Variants in CAST observed in about 807,000 individuals in gnomAD.
The protein encoded by CAST is MIR583 host.
Under a neutral mutation model 119.6 loss-of-function variants are expected in CAST, and 76 were observed. That is an observed-to-expected ratio of 0.64 (90% CI 0.53 to 0.77). CAST has a LOEUF of 0.77. Ranked by LOEUF, CAST falls within the 30% of genes least tolerant of loss-of-function variation. CAST has a pLI of 0.00. For missense variants in CAST, 953 were observed against 946.5 expected (o/e 1.01, Z -0.09); for synonymous variants, 319 against 331.6 (o/e 0.96, Z 0.41).
chr5:96,635,798 T>C (rs1021132790), intron 1 of CAST, among the ~76,000 whole-genome samples: 1 of 152,228 alleles, frequency 6.6e-6, no homozygotes, highest in South Asian at 2.1e-4. Context: ...AGTTAGACAA[T>C]TGCTTCCACT....
At chr5:96,688,760 T>A (rs540578611) in intron 2 of CAST, among the ~76,000 whole-genome samples, 9 of 152,360 alleles carry the variant, frequency 5.9e-5, no homozygotes, top group South Asian at 4.1e-4. Flanking sequence ...CTACTTTTTT[T>A]AATCTTAAGT....
At chr5:96,290,556 T>C in the CAST span, among the ~76,000 whole-genome samples, 1 of 152,234 alleles carries the variant, frequency 6.6e-6, no homozygotes, top group Non-Finnish European at 1.5e-5. Flanking sequence ...GCAGTGACGA[T>C]GAAGCTTCCC....
At chr5:96,648,812 T>C (rs1297053231) in intron 1 of CAST, among the ~76,000 whole-genome samples, 2 of 152,034 alleles carry the variant, frequency 1.3e-5, no homozygotes. Flanking sequence ...CATTCCAGGC[T>C]GAATTGATTC....
At chr5:96,474,545 A>G in the CAST span, among the ~76,000 whole-genome samples, 1 of 152,210 alleles carries the variant, frequency 6.6e-6, no homozygotes, top group East Asian at 1.9e-4. Context: ...CTTCTCATCA[A>G]GAAACTCCTC....
chr5:96,144,972 A>G, the CAST span, among the ~76,000 whole-genome samples: 1 of 152,158 alleles, frequency 6.6e-6, no homozygotes, highest in African/African-American at 2.4e-5. Context: ...TTTACTGCCC[A>G]TATAATTTTT....
At chr5:96,532,234 A>G (rs1406578550) in intron 1 of CAST, among the ~76,000 whole-genome samples, 1 of 152,212 alleles carries the variant, frequency 6.6e-6, no homozygotes, top group Non-Finnish European at 1.5e-5. Context: ...AACAACTGGG[A>G]GGCCTGACTG....
the CAST span, among the ~76,000 whole-genome samples, chr5:96,452,636 A>C: frequency 1.1e-5 from 1 of 92,826 alleles, no homozygotes; most frequent in African/African-American, 4.5e-5. Flanking sequence ...AACTTAAAGT[A>C]TAATAAAAAA....
At chr5:96,275,221 G>A in the CAST span, among the ~76,000 whole-genome samples, 6 of 152,182 alleles carry the variant, frequency 3.9e-5, no homozygotes, top group Admixed American at 2.0e-4. Flanking sequence ...ATCCCCAGAT[G>A]TACAAAGTCT....
At chr5:96,724,315 G>A (rs1431208137) in intron 4 of CAST, among the ~76,000 whole-genome samples, 4 of 151,922 alleles carry the variant, frequency 2.6e-5, no homozygotes, top group African/African-American at 9.7e-5. Context: ...TGAGTAGCTG[G>A]AACTCTAGGG....
intron 1 of CAST, among the ~76,000 whole-genome samples, chr5:96,543,203 AT>A (rs547377685): frequency 7.3e-4 from 111 of 152,358 alleles, no homozygotes; most frequent in Non-Finnish European, 1.0e-3. Flanking sequence ...CTATGCAGCC[AT>A]AAAAAGAATG....
At chr5:96,415,981 A>T in the CAST span, 1 of 1,099,740 alleles carries the variant, frequency 9.1e-7, no homozygotes, top group Admixed American at 1.7e-5. Flanking sequence ...ACAATGGGTG[A>T]TGTAAGCTTC....
At chr5:96,076,846 A>G in the CAST span, among the ~76,000 whole-genome samples, 1 of 152,074 alleles carries the variant, frequency 6.6e-6, no homozygotes, top group South Asian at 2.1e-4. Context: ...TTTTTAATAA[A>G]TATCAATAAT....
At chr5:96,348,429 G>A in the CAST span, among the ~76,000 whole-genome samples, 2 of 151,910 alleles carry the variant, frequency 1.3e-5, no homozygotes, top group African/African-American at 4.8e-5. Context: ...ATTTGTTGGT[G>A]CCTGATTCCT....
chr5:96,380,491 C>T, the CAST span, among the ~76,000 whole-genome samples: 2 of 151,974 alleles, frequency 1.3e-5, no homozygotes, highest in African/African-American at 4.8e-5. Flanking sequence ...TTTCATCGAA[C>T]ATCATTTTTA....
At chr5:96,667,603 C>T (rs1011725496) in intron 1 of CAST, among the ~76,000 whole-genome samples, 5 of 152,168 alleles carry the variant, frequency 3.3e-5, no homozygotes, top group Admixed American at 3.3e-4. Context: ...CCACTGAAAT[C>T]TTAAAATGTT....
the CAST span, among the ~76,000 whole-genome samples, chr5:96,375,821 T>C: frequency 5.3e-5 from 8 of 151,248 alleles, no homozygotes; most frequent in Non-Finnish European, 1.0e-4. Context: ...TCTAGCCTAC[T>C]GGCCTATCCT....
At chr5:96,534,758 A>G (rs1208261497) in intron 1 of CAST, among the ~76,000 whole-genome samples, 692 of 81,996 alleles carry the variant, frequency 8.4e-3, no homozygotes, top group East Asian at 0.022. Context: ...AGAAAGAAAG[A>G]AAGAAAGAAA....
chr5:96,054,635 T>C, the CAST span, among the ~76,000 whole-genome samples: 1 of 152,216 alleles, frequency 6.6e-6, no homozygotes, highest in African/African-American at 2.4e-5. Context: ...AAAATGGAGA[T>C]AATAGTTCCT....
the CAST span, among the ~76,000 whole-genome samples, chr5:96,299,784 A>G: frequency 2.6e-5 from 4 of 152,176 alleles, no homozygotes; most frequent in South Asian, 8.3e-4. Flanking sequence ...TATTTTTATT[A>G]TATATTGACA....
Sources: gnomAD v4.1 joint callset for allele counts (sites outside exome capture counted in the v4.1 genomes callset) on GRCh38, gnomAD v4.1.1 for gene constraint, MANE v1.5 for transcripts, NCBI Gene and HGNC (gene_info 2026-07-23, HGNC 2026-07-21) for gene names.